The following NRG1 variants were observed in gnomAD, a reference collection of about 807,000 sequenced individuals.
NRG1 encodes pro-neuregulin-1, membrane-bound isoform.
In NRG1, 18 loss-of-function variants were observed where a neutral mutation model predicts 63.8. That is an observed-to-expected ratio of 0.28 (90% CI 0.19 to 0.42). The LOEUF is 0.42. Ranked by LOEUF, NRG1 falls within the 10% of genes least tolerant of loss-of-function variation. The pLI, the probability that NRG1 is intolerant of heterozygous loss-of-function variation, is 1.00. For synonymous variants in NRG1, 302 were observed against 301.3 expected (o/e 1.00, Z -0.02); for missense variants, 762 against 814.7 (o/e 0.94, Z 0.79).
At chr8:32,144,882 G>A (rs1002473671) in intron 1 of NRG1, among the ~76,000 whole-genome samples, 2 of 152,104 alleles carry the variant, frequency 1.3e-5, no homozygotes, top group Non-Finnish European at 2.9e-5. Context: ...GGGTTTTGAT[G>A]TATGTATGTG....
At chr8:31,788,986 A>G (rs1820438176) in intron 1 of NRG1, among the ~76,000 whole-genome samples, 1 of 152,232 alleles carries the variant, frequency 6.6e-6, no homozygotes, top group Non-Finnish European at 1.5e-5. Context: ...ACTGCCCATT[A>G]TAACCAACTG....
intron 1 of NRG1, among the ~76,000 whole-genome samples, chr8:31,860,265 C>T (rs899182348): frequency 6.6e-6 from 1 of 152,102 alleles, no homozygotes; most frequent in Non-Finnish European, 1.5e-5. Flanking sequence ...ATGTCAGGGG[C>T]CAAGTTCAAG....
rs72612110 is a variant in NRG1 at position 32,476,177 on chromosome 8, A to T, written c.38-119651A>T. On this transcript the variant is annotated intron_variant, in intron 1 of 10. Transcript: ENST00000519301. ...GGAAAAAAGGAAAATTGGAGAAGAT[A>T]TCTTTCTGTGAGATTAAAGACAAAT... is the stretch of plus-strand genomic sequence containing the variant. 0.046 allele frequency among the ~76,000 whole-genome samples: 7,060 copies of T among 152,270 alleles called. 1,136 individuals are homozygous for T. The East Asian group carries it at 0.63, about 14-fold the overall frequency.
At chr8:31,838,777 GAAA>G (rs969030196) in intron 1 of NRG1, among the ~76,000 whole-genome samples, 3 of 151,558 alleles carry the variant, frequency 2.0e-5, no homozygotes, top group African/African-American at 7.3e-5. Flanking sequence ...TTTCACTTTA[GAAA>G]AAAAATATTT....
intron 1 of NRG1, among the ~76,000 whole-genome samples, chr8:31,649,883 T>A (rs766616642): frequency 6.6e-6 from 1 of 152,234 alleles, no homozygotes; most frequent in Non-Finnish European, 1.5e-5. Context: ...ATTAATTGCC[T>A]CTACCCCAGC....
chr8:32,771,706 TAA>T (rs36131405), downstream of NRG1, among the ~76,000 whole-genome samples: 1 of 80,242 alleles, frequency 1.2e-5, no homozygotes, highest in East Asian at 3.5e-4. Flanking sequence ...TCCATTTCTT[TAA>T]AAAAAAAATA....
chr8:32,572,477 G>A (rs1238480583), intron 1 of NRG1, among the ~76,000 whole-genome samples: 2 of 152,016 alleles, frequency 1.3e-5, no homozygotes, highest in East Asian at 1.9e-4. Flanking sequence ...TAATAATCCC[G>A]TCACAGTTCT....
At chr8:32,018,541 GTATCT>G (rs1815930960) in intron 1 of NRG1, among the ~76,000 whole-genome samples, 1 of 152,158 alleles carries the variant, frequency 6.6e-6, no homozygotes, top group Non-Finnish European at 1.5e-5. Context: ...TGTACTCTTT[GTATCT>G]TATTTCTTTC....
intron 1 of NRG1, among the ~76,000 whole-genome samples, chr8:31,935,058 C>T (rs947011004): frequency 1.3e-5 from 2 of 152,100 alleles, no homozygotes; most frequent in Non-Finnish European, 2.9e-5. Context: ...TCAAGCAATC[C>T]TCCTGCCTCG....
At chr8:31,665,756 C>T (rs967791197) in intron 1 of NRG1, among the ~76,000 whole-genome samples, 7 of 151,928 alleles carry the variant, frequency 4.6e-5, no homozygotes, top group Non-Finnish European at 1.0e-4. Flanking sequence ...TGTTGCATTG[C>T]GTTTATCCTG....
At chr8:32,733,938 G>T (rs1029689667) in intron 6 of NRG1, among the ~76,000 whole-genome samples, 2 of 152,204 alleles carry the variant, frequency 1.3e-5, no homozygotes, top group African/African-American at 2.4e-5. Flanking sequence ...ACGGTAACAT[G>T]CAGCTTAATT....
chr8:32,357,429 T>C (rs1260160446), intron 1 of NRG1, among the ~76,000 whole-genome samples: 1 of 152,212 alleles, frequency 6.6e-6, no homozygotes, highest in Non-Finnish European at 1.5e-5. Flanking sequence ...AGAATATACA[T>C]AATATATCTT....
intron 1 of NRG1, among the ~76,000 whole-genome samples, chr8:32,371,688 A>G (rs537686016): frequency 6.6e-6 from 1 of 152,280 alleles, no homozygotes; most frequent in Admixed American, 6.5e-5. Flanking sequence ...TTGCCTTCCC[A>G]TTCTCCTTTC....
intron 1 of NRG1, among the ~76,000 whole-genome samples, chr8:32,470,635 T>TG (rs1442010157): frequency 6.6e-6 from 1 of 152,128 alleles, no homozygotes; most frequent in Non-Finnish European, 1.5e-5. Flanking sequence ...TGAGTGTGAG[T>TG]GGGGGAGAGA....
chr8:32,441,973 G>A (rs1819607764), intron 1 of NRG1, among the ~76,000 whole-genome samples: 1 of 152,074 alleles, frequency 6.6e-6, no homozygotes, highest in African/African-American at 2.4e-5. Flanking sequence ...CTAGGTTAGT[G>A]CTTCATTTAT....
chr8:32,262,492 A>T (rs1163210333), intron 1 of NRG1, among the ~76,000 whole-genome samples: 1 of 152,180 alleles, frequency 6.6e-6, no homozygotes, highest in Non-Finnish European at 1.5e-5. Flanking sequence ...ATAAACACTC[A>T]ACCGCAGACA....
intron 1 of NRG1, among the ~76,000 whole-genome samples, chr8:32,130,618 T>A (rs1834689462): frequency 1.3e-5 from 2 of 151,914 alleles, no homozygotes; most frequent in Non-Finnish European, 2.9e-5. Flanking sequence ...GGCGTAGGAA[T>A]CTATACTGCG....
chr8:31,897,908 T>C (rs1291575009), intron 1 of NRG1, among the ~76,000 whole-genome samples: 1 of 149,958 alleles, frequency 6.7e-6, no homozygotes, highest in Non-Finnish European at 1.5e-5. Flanking sequence ...TAATCTCAGC[T>C]ACTTTGAAGG....
chr8:32,699,404 T>C (rs1814270202), intron 5 of NRG1, among the ~76,000 whole-genome samples: 1 of 152,230 alleles, frequency 6.6e-6, no homozygotes, highest in South Asian at 2.1e-4. Context: ...TCTGATTAGC[T>C]AAACAGCTTG....
Sources: allele counts gnomAD v4.1 joint callset (sites outside exome capture counted in the v4.1 genomes callset), GRCh38; gene constraint gnomAD v4.1.1; transcripts MANE v1.5; gene names NCBI Gene and HGNC (gene_info 2026-07-23, HGNC 2026-07-21).